The following ADCY1 variants were observed in gnomAD, a reference collection of about 807,000 sequenced individuals.
The protein encoded by ADCY1 is adenylate cyclase type 1.
ADCY1 carries 28 observed loss-of-function variants against 105.4 expected under a neutral mutation model. The ratio of observed to expected loss-of-function variants is 0.27; its 90% CI spans 0.20 to 0.36. The LOEUF is 0.36. Ranked by LOEUF, ADCY1 falls within the 10% of genes least tolerant of loss-of-function variation. ADCY1 has a pLI of 1.00. For synonymous variants in ADCY1, 655 were observed against 623.8 expected (o/e 1.05, Z -0.75); for missense variants, 977 against 1,434.2 (o/e 0.68, Z 5.15).
Position 45,721,884 on chromosome 7 carries a change from G to A in ADCY1, c.*7889G>A. ...AAAAGAGCTTTCAGGCACTTATTGA[G>A]AATTAATGTTTAAACAGACATAATA... On this transcript the variant is annotated 3_prime_UTR_variant, in exon 20 of 20. Transcript: ENST00000297323. 5.0e-6 allele frequency: 2 copies of A among 398,626 alleles called. No homozygotes were observed. The allele number at this position is 398,626 out of a possible 1,614,324, so 24.7% of individuals were successfully genotyped here.
At chr7:45,678,892 T>TAATAAG (rs745557810) in intron 10 of ADCY1, among the ~76,000 whole-genome samples, 1 of 151,036 alleles carries the variant, frequency 6.6e-6, no homozygotes, top group Non-Finnish European at 1.5e-5. Context: ...TCTCTAAAAA[T>TAATAAG]AATAATAATA....
chr7:45,590,301 CAT>C lies in ADCY1; in HGVS notation c.640-2457_640-2456del, dbSNP rs376078061. On this transcript the variant is annotated intron_variant, in intron 1 of 19. Coordinates refer to ENST00000297323, the MANE Select transcript of ADCY1 (RefSeq NM_021116.4). ...GAAACCAGGGGAGAAAGGAAGCTAA[CAT>C]GTGGAAAATCTCCAAGGAAGGTTTT... Among the ~76,000 whole-genome samples, 371 of 152,290 alleles carry C rather than the reference CAT, an allele frequency of 2.4e-3. 3 individuals are homozygous for C. Among genetic ancestry groups the C allele is most frequent in the Non-Finnish European group, 3.7e-3 (254 of 68,032 alleles).
At chr7:45,583,493 A>G (rs1243539281) in intron 1 of ADCY1, among the ~76,000 whole-genome samples, 3 of 152,228 alleles carry the variant, frequency 2.0e-5, no homozygotes, top group African/African-American at 7.2e-5. Context: ...TTATCAGAGT[A>G]CAGTGTTTCC....
chr7:45,613,932 A>C (rs559679098), intron 3 of ADCY1, among the ~76,000 whole-genome samples: 1 of 152,310 alleles, frequency 6.6e-6, no homozygotes, highest in Non-Finnish European at 1.5e-5. Flanking sequence ...CTCCATAAAA[A>C]CATGAAGGAA....
rs574187701 is a variant in ADCY1, at chr7:45,686,340, G to C, written c.2327+125G>C. 6.9e-4 allele frequency: 1,003 copies of C among 1,446,860 alleles called. 1 individual carries two copies. The highest frequency in any genetic ancestry group is 9.0e-4 in the South Asian group (64 of 71,386). 89.6% of individuals were successfully genotyped at this position (1,446,860 alleles called of 1,614,324 possible). On this transcript the variant is annotated intron_variant, in intron 13 of 19. Coordinates refer to ENST00000297323, the MANE Select transcript of ADCY1 (RefSeq NM_021116.4). The surrounding 1 kb of genome is among the most constrained non-coding windows in gnomAD (Gnocchi z 4.3). ...AGTTGAATTGTATACACAATTTTTA[G>C]TTTGGTGGCTGCTTCTCTTCAACCC...
Position 45,574,893 on chromosome 7 carries a change from C to A in ADCY1, c.350C>A (p.Pro117His), listed in dbSNP as rs1314063804. 6.2e-7 allele frequency: 1 copy of A among 1,611,848 alleles called. No homozygotes were observed. The highest frequency in any genetic ancestry group is 8.5e-7 in the Non-Finnish European group (1 of 1,179,706). ...ACCAACGTCCGGTCCCTGCAGGTGC[C>A]CCAGCTGCAGCAGGTCGGCCAGCTG... is the stretch of plus-strand genomic sequence containing the variant. ...VVTNVRSLQVPQLQQVGQLAL... is the reference protein window; with the variant it reads ...VVTNVRSLQVHQLQQVGQLAL... Residue 117 changes from proline to histidine, a missense_variant, in exon 1 of 20, where the codon CCC (proline) becomes CAC (histidine). Physicochemically the swap from Pro to His is moderately conservative, Grantham distance 77 (BLOSUM62 -2). Transcript: ENST00000297323. The surrounding 1 kb of genome is among the most constrained non-coding windows in gnomAD (Gnocchi z 7.0).
At chr7:45,598,379 G>A (rs1375270375) in intron 2 of ADCY1, among the ~76,000 whole-genome samples, 1 of 152,168 alleles carries the variant, frequency 6.6e-6, no homozygotes, top group Non-Finnish European at 1.5e-5. Context: ...GGGGTGTGAA[G>A]GTTCTTTTAA....
At chr7:45,671,940 A>G (rs1211167109) in intron 8 of ADCY1, among the ~76,000 whole-genome samples, 1 of 152,024 alleles carries the variant, frequency 6.6e-6, no homozygotes, top group Non-Finnish European at 1.5e-5. Flanking sequence ...AGATGTTTTT[A>G]GTTTTGAAGA....
At chr7:45,620,944 T>A (rs1050315408) in intron 3 of ADCY1, among the ~76,000 whole-genome samples, 3 of 152,192 alleles carry the variant, frequency 2.0e-5, no homozygotes, top group African/African-American at 7.2e-5. Flanking sequence ...TAGTTGACAG[T>A]ACACACAGCT....
Position 45,591,520 on chromosome 7 carries a change from C to T in ADCY1, c.640-1239C>T, listed in dbSNP as rs972572145. Among the ~76,000 whole-genome samples, 47 of 152,208 alleles carry T rather than the reference C, an allele frequency of 3.1e-4. 1 individual carries two copies. The highest frequency in any genetic ancestry group is 1.0e-3 in the African/African-American group (43 of 41,440). On this transcript the variant is annotated intron_variant, in intron 1 of 19. Transcript: ENST00000297323. The surrounding 1 kb of genome is among the most constrained non-coding windows in gnomAD (Gnocchi z 4.1). ...TTAATCTGTGTGGAGCAGTGACAGC[C>T]GGAGCCTGCAGGTTTCTGCTCCCTG...
chr7:45,659,753 T>G (rs1441201748), intron 6 of ADCY1, among the ~76,000 whole-genome samples: 1 of 149,350 alleles, frequency 6.7e-6, no homozygotes, highest in Non-Finnish European at 1.5e-5. Flanking sequence ...AGTCCTGATG[T>G]ATTCTTTCTC....
intron 4 of ADCY1, among the ~76,000 whole-genome samples, chr7:45,638,416 A>G (rs1794448847): frequency 6.6e-6 from 1 of 150,900 alleles, no homozygotes; most frequent in Non-Finnish European, 1.5e-5. Flanking sequence ...GTTCAATTTG[A>G]ATCTTTTTTC....
At chr7:45,679,665 C>T in intron 10 of ADCY1, 44 bp from the exon 11 acceptor site, 4 of 1,607,326 alleles carry the variant, frequency 2.5e-6, no homozygotes, top group Non-Finnish European at 3.4e-6. Flanking sequence ...TCCGCCTCTC[C>T]TAATCCCCAC....
At chr7:45,641,731 C>T (rs1794529033) in intron 4 of ADCY1, among the ~76,000 whole-genome samples, 1 of 148,470 alleles carries the variant, frequency 6.7e-6, no homozygotes, top group African/African-American at 2.5e-5. Context: ...TCGAGACCAT[C>T]CTGGCCAACA....
At chr7:45,690,258 G>A (rs571057510) in intron 14 of ADCY1, among the ~76,000 whole-genome samples, 154 of 152,282 alleles carry the variant, frequency 1.0e-3, no homozygotes, top group African/African-American at 3.6e-3. Context: ...TGGGCTGAGA[G>A]CGGAGGGCAC....
chr7:45,673,188 T>G (rs1784395550), intron 8 of ADCY1, among the ~76,000 whole-genome samples: 1 of 146,850 alleles, frequency 6.8e-6, no homozygotes, highest in Non-Finnish European at 1.5e-5. Context: ...TTGCTAATAT[T>G]TTGTTAGATT....
chr7:45,712,043 TATATA>T (rs962116434), intron 19 of ADCY1, among the ~76,000 whole-genome samples: 4 of 128,806 alleles, frequency 3.1e-5, no homozygotes, highest in African/African-American at 9.0e-5. Flanking sequence ...ATATATATTT[TATATA>T]ATATATTAAA....
At chr7:45,609,843 C>A (rs762914903) in intron 2 of ADCY1, among the ~76,000 whole-genome samples, 1 of 152,136 alleles carries the variant, frequency 6.6e-6, no homozygotes, top group Non-Finnish European at 1.5e-5. Context: ...AACATTTATT[C>A]TTTTCTCTTG....
chr7:45,584,789 G>A (rs1274547272), intron 1 of ADCY1, among the ~76,000 whole-genome samples: 2 of 152,272 alleles, frequency 1.3e-5, no homozygotes, highest in Non-Finnish European at 2.9e-5. Context: ...CTCCCAGCCT[G>A]TGGGGGCACC....
Sources: gnomAD v4.1 joint callset for allele counts (sites outside exome capture counted in the v4.1 genomes callset) on GRCh38, gnomAD v4.1.1 for gene constraint, Gnocchi (gnomAD v3.1) non-coding constraint, MANE v1.5 for transcripts, NCBI Gene and HGNC (gene_info 2026-07-23, HGNC 2026-07-21) for gene names.